The following MAP3K15 variants were observed in gnomAD, a reference collection of about 807,000 sequenced individuals.
MAP3K15 encodes MAPK/ERK kinase kinase 15.
MAP3K15 carries 124 observed loss-of-function variants against 99.5 expected under a neutral mutation model. That is an observed-to-expected ratio of 1.25 (90% CI 1.08 to 1.45). MAP3K15 has a LOEUF of 1.45. MAP3K15 is among the 40% of genes most tolerant of loss of function. The pLI is 0.00. For synonymous variants in MAP3K15, 494 were observed against 439.6 expected, an observed-to-expected ratio of 1.12 and a Z score of -1.55; for missense variants, 1,242 against 1,079.7, an observed-to-expected ratio of 1.15 and a Z score of -2.11.
chrX:19,489,991 G>A (rs1023963617), intron 1 of MAP3K15, among the ~76,000 whole-genome samples: 2 of 110,845 alleles, frequency 1.8e-5, no homozygotes, highest in African/African-American at 6.6e-5. Flanking sequence ...AACTCAGATC[G>A]TGCCACTGCA....
At chrX:19,393,917 C>A (rs187519177) in intron 16 of MAP3K15, among the ~76,000 whole-genome samples, 3 of 107,920 alleles carry the variant, frequency 2.8e-5, no homozygotes, top group Non-Finnish European at 3.8e-5. Flanking sequence ...GGACTACAGG[C>A]GCACGCCACC....
At chrX:19,408,860 G>A (rs992146065) in intron 12 of MAP3K15, among the ~76,000 whole-genome samples, 14 of 110,439 alleles carry the variant, frequency 1.3e-4, no homozygotes, top group African/African-American at 4.6e-4. Context: ...TCCCTCGTGT[G>A]GCCACAAATA....
chrX:19,385,556 A>G (rs2063488833), intron 18 of MAP3K15, among the ~76,000 whole-genome samples: 1 of 110,625 alleles, frequency 9.0e-6, no homozygotes, highest in African/African-American at 3.3e-5. Context: ...CCTGCCACAA[A>G]TCTGACTCCT....
intron 9 of MAP3K15, among the ~76,000 whole-genome samples, chrX:19,424,749 G>T (rs758127173): frequency 2.1e-3 from 230 of 110,128 alleles, no homozygotes; most frequent in African/African-American, 7.5e-3. Flanking sequence ...AGGCTCAAGC[G>T]ATCCTTCTAC....
At chrX:19,404,007 C>A (rs1054530204) in intron 13 of MAP3K15, among the ~76,000 whole-genome samples, 8 of 111,443 alleles carry the variant, frequency 7.2e-5, no homozygotes, top group African/African-American at 2.6e-4. Flanking sequence ...CCACATTGTG[C>A]TGGAGAGTCT....
intron 6 of MAP3K15, among the ~76,000 whole-genome samples, chrX:19,432,880 C>T (rs1005632728): frequency 1.8e-5 from 2 of 110,710 alleles, no homozygotes; most frequent in African/African-American, 6.6e-5. Flanking sequence ...CCACGCCCAA[C>T]TAATTTTTGT....
intron 25 of MAP3K15, among the ~76,000 whole-genome samples, chrX:19,366,084 G>A (rs1002626006): frequency 1.9e-5 from 2 of 107,879 alleles, no homozygotes; most frequent in Middle Eastern, 4.2e-3. Flanking sequence ...ACAGTAGAGA[G>A]ATGAGAACAC....
chrX:19,411,423 G>A (rs183748132), intron 11 of MAP3K15, among the ~76,000 whole-genome samples: 2 of 112,551 alleles, frequency 1.8e-5, no homozygotes, highest in African/African-American at 6.4e-5. Context: ...CACCTACTAT[G>A]TATGTGCTAG....
intron 11 of MAP3K15, among the ~76,000 whole-genome samples, chrX:19,410,456 T>C (rs1289204120): frequency 1.8e-5 from 2 of 111,872 alleles, no homozygotes. Flanking sequence ...AGATATACAG[T>C]GGAGTTTTGG....
rs779312341 is a variant in MAP3K15, at chrX:19,426,363, A to C, written c.1167-20T>G. ...CGATACCTATAATTACAGAACCACC[A>C]AAGTATTATTATATTACAACAAAAA... On this transcript the variant is annotated intron_variant, in intron 7 of 28. Coordinates refer to ENST00000338883, the MANE Select transcript of MAP3K15 (RefSeq NM_001001671.4). 1 of 911,228 alleles carries C rather than the reference A, an allele frequency of 1.1e-6. No individual in the cohort carries two copies. Among genetic ancestry groups the C allele is most frequent in the East Asian group, 3.5e-5 (1 of 28,170 alleles). 75.1% of individuals were successfully genotyped at this position (911,228 alleles called of 1,213,427 possible). A position where few individuals can be genotyped will look rare whatever the true frequency, so the allele number is the denominator to read the frequency against.
intron 1 of MAP3K15, among the ~76,000 whole-genome samples, chrX:19,498,665 G>A (rs904819311): frequency 8.9e-6 from 1 of 112,013 alleles, no homozygotes; most frequent in African/African-American, 3.2e-5. Flanking sequence ...AGACGAAAAG[G>A]AGGCAGTAGT....
chrX:19,504,678 C>T (rs2064463565), intron 1 of MAP3K15, among the ~76,000 whole-genome samples: 1 of 111,745 alleles, frequency 8.9e-6, no homozygotes, highest in Non-Finnish European at 1.9e-5. Flanking sequence ...AAAAAGTTAC[C>T]TAAGGCTGGG....
intron 4 of MAP3K15, among the ~76,000 whole-genome samples, chrX:19,461,120 T>TA (rs2064130417): frequency 8.9e-6 from 1 of 112,114 alleles, no homozygotes; most frequent in Non-Finnish European, 1.9e-5. Flanking sequence ...GCTGGGACCA[T>TA]AGGCGCCCGC....
At chrX:19,365,247 G>C (rs1197160824) in intron 25 of MAP3K15, among the ~76,000 whole-genome samples, 1 of 109,768 alleles carries the variant, frequency 9.1e-6, no homozygotes, top group Non-Finnish European at 1.9e-5. Context: ...TACTTTGTTT[G>C]ACTGTAGTTC....
chrX:19,371,016 C>T lies in MAP3K15; in HGVS notation c.3343G>A (p.Ala1115Thr). The T allele has an allele frequency of 8.6e-7, 1 of 1,165,535 alleles. No homozygotes were observed. The highest frequency in any genetic ancestry group is 1.9e-5 in the African/African-American group (1 of 53,813). The change falls in exon 24 of 29, where the codon GCG becomes ACG. Residue 1115 changes from alanine to threonine, a missense_variant. Coordinates refer to ENST00000338883, the MANE Select transcript of MAP3K15 (RefSeq NM_001001671.4). ...NHLIRPHWMFAMDNIIRRAVQ... is the reference protein window; with the variant it reads ...NHLIRPHWMFTMDNIIRRAVQ... ...GCTCGGCGGATGATGTTGTCCATCG[C>T]GAACATCCAGTGGGGCCTAATTAAG... is the stretch of plus-strand genomic sequence containing the variant.
At chrX:19,382,508 TTTTTAAG>T (rs1251326458) in intron 18 of MAP3K15, among the ~76,000 whole-genome samples, 1 of 112,050 alleles carries the variant, frequency 8.9e-6, no homozygotes, top group Non-Finnish European at 1.9e-5. Context: ...AAGAAATGCA[TTTTTAAG>T]TTTTAATTGT....
intron 18 of MAP3K15, among the ~76,000 whole-genome samples, chrX:19,389,517 A>T (rs2063513660): frequency 9.0e-6 from 1 of 111,336 alleles, no homozygotes; most frequent in Non-Finnish European, 1.9e-5. Context: ...TTCCTTACAG[A>T]ACTGCTCTGT....
At chrX:19,499,895 T>C (rs1229534884) in intron 1 of MAP3K15, among the ~76,000 whole-genome samples, 1 of 112,500 alleles carries the variant, frequency 8.9e-6, no homozygotes, top group East Asian at 2.8e-4. Flanking sequence ...TTTTTTAAAG[T>C]TGTACAGCTG....
At chrX:19,507,760 G>A (rs1361268007) in intron 1 of MAP3K15, among the ~76,000 whole-genome samples, 1 of 109,943 alleles carries the variant, frequency 9.1e-6, no homozygotes, top group African/African-American at 3.3e-5. Flanking sequence ...AGAGGGCAGA[G>A]GGGTTGATGG....
Sources: allele counts gnomAD v4.1 joint callset (sites outside exome capture counted in the v4.1 genomes callset), GRCh38; gene constraint gnomAD v4.1.1; transcripts MANE v1.5; gene names NCBI Gene and HGNC (gene_info 2026-07-23, HGNC 2026-07-21).